PDS5B: variants seen among roughly 807,000 people sequenced by gnomAD.
PDS5B encodes the protein sister chromatid cohesion protein PDS5 homolog B.
PDS5B carries 51 observed loss-of-function variants against 184.1 expected under a neutral mutation model. The ratio of observed to expected loss-of-function variants is 0.28; its 90% CI spans 0.22 to 0.35. The LOEUF is 0.35. PDS5B is among the 10% of genes least tolerant of loss of function. The pLI is 1.00. For missense variants in PDS5B, 1,180 were observed against 1,723.3 expected (o/e 0.68, Z 5.58); for synonymous variants, 566 against 569.2 (o/e 0.99, Z 0.08).
rs1177251327 is a variant in PDS5B at position 32,655,359 on chromosome 13, CATATAT to C, written c.313-2869_313-2864del. On this transcript the variant is annotated intron_variant, in intron 3 of 34. Transcript: ENST00000315596. The stretch of plus-strand genomic sequence containing the variant: ...AAAAGTATCTCTTCATGTTCTTTGC[CATATAT>C]ATATATATATTTTTTTTTTTTTTTT... Among the ~76,000 whole-genome samples the C allele has an allele frequency of 6.3e-4, 25 of 39,604 alleles. 2 individuals carry two copies. The highest frequency in any genetic ancestry group is 3.3e-3 in the African/African-American group (22 of 6,616). The allele number at this position is 39,604 out of a possible 152,430, so 26.0% of individuals were successfully genotyped here. A position where few individuals can be genotyped will look rare whatever the true frequency, so the allele number is the denominator to read the frequency against.
intron 1 of PDS5B, among the ~76,000 whole-genome samples, chr13:32,604,203 G>A (rs546028889): frequency 1.2e-4 from 18 of 152,288 alleles, no homozygotes; most frequent in Non-Finnish European, 2.2e-4. Context: ...TATGATATTG[G>A]CTGTGGGTTT....
chr13:32,705,711 A>G (rs2140882613), intron 17 of PDS5B, among the ~76,000 whole-genome samples: 1 of 152,220 alleles, frequency 6.6e-6, no homozygotes, highest in Middle Eastern at 3.4e-3. Flanking sequence ...ATAGGGTCTC[A>G]CTCTGCCACC....
intron 18 of PDS5B, among the ~76,000 whole-genome samples, chr13:32,709,306 T>C (rs1342949920): frequency 6.6e-6 from 1 of 152,046 alleles, no homozygotes; most frequent in Non-Finnish European, 1.5e-5. Flanking sequence ...TTTGAAAGTG[T>C]GTTGTGGGGG....
At chr13:32,624,030 C>T (rs2058338358) in intron 1 of PDS5B, among the ~76,000 whole-genome samples, 1 of 150,752 alleles carries the variant, frequency 6.6e-6, no homozygotes, top group Admixed American at 6.6e-5. Flanking sequence ...CAAGCTATTC[C>T]TTTTTTTTAA....
chr13:32,622,108 C>CT (rs1320067371), intron 1 of PDS5B, among the ~76,000 whole-genome samples: 2 of 151,834 alleles, frequency 1.3e-5, no homozygotes, highest in Non-Finnish European at 1.5e-5. Flanking sequence ...AATTTCCACT[C>CT]TTTTTTATCT....
intron 23 of PDS5B, among the ~76,000 whole-genome samples, chr13:32,744,567 C>T (rs999146257): frequency 2.6e-5 from 4 of 152,050 alleles, no homozygotes; most frequent in African/African-American, 9.7e-5. Context: ...AAAAAGTTTA[C>T]GAGGTTAAAT....
intron 1 of PDS5B, among the ~76,000 whole-genome samples, chr13:32,591,250 T>A (rs2057771273): frequency 6.6e-6 from 1 of 152,082 alleles, no homozygotes; most frequent in Non-Finnish European, 1.5e-5. Flanking sequence ...TTCCTCAGCC[T>A]CCTGAGTAAC....
At chr13:32,605,525 G>A (rs894648521) in intron 1 of PDS5B, among the ~76,000 whole-genome samples, 1 of 152,328 alleles carries the variant, frequency 6.6e-6, no homozygotes, top group African/African-American at 2.4e-5. Context: ...GTGCGATGTG[G>A]TGCTGAGAAG....
At chr13:32,617,739 A>G (rs372068881) in intron 1 of PDS5B, among the ~76,000 whole-genome samples, 2 of 152,308 alleles carry the variant, frequency 1.3e-5, no homozygotes, top group East Asian at 1.9e-4. Flanking sequence ...TCTTATTACA[A>G]ATGAGAGGGG....
rs371053325 is a variant in PDS5B at position 32,694,265 on chromosome 13, T to C, written c.1512T>C (p.His504=). 137 of 1,602,488 alleles carry C rather than the reference T, an allele frequency of 8.5e-5. No homozygotes were observed. Among genetic ancestry groups the C allele is most frequent in the Non-Finnish European group, 1.0e-4 (123 of 1,175,800 alleles). ...GGAAATGTCAAAATCTGCTCCGACATCAAGTAAAGGATTTGCTTGACTTGA... is the reference window on the plus strand; with the variant it reads ...GGAAATGTCAAAATCTGCTCCGACACCAAGTAAAGGATTTGCTTGACTTGA... ...EMWKCQNLLR[H]QVKDLLDLIK... The change falls in exon 14 of 35, where the codon CAT becomes CAC. Residue 504 remains histidine, a synonymous_variant. Coordinates refer to ENST00000315596, the MANE Select transcript of PDS5B (RefSeq NM_015032.4).
At chr13:32,603,988 G>A (rs1170305481) in intron 1 of PDS5B, among the ~76,000 whole-genome samples, 1 of 152,098 alleles carries the variant, frequency 6.6e-6, no homozygotes, top group Non-Finnish European at 1.5e-5. Context: ...GAGACGATGG[G>A]GTTTTCTAAA....
intron 30 of PDS5B, chr13:32,763,636 G>GGTGTAT (rs1954486597): frequency 6.6e-6 from 1 of 152,066 alleles, no homozygotes; most frequent in Non-Finnish European, 1.5e-5. Context: ...ACGATTTAAG[G>GGTGTAT]GTGTATCCTG....
At chr13:32,705,221 C>A (rs374929913) in intron 17 of PDS5B, among the ~76,000 whole-genome samples, 4 of 152,244 alleles carry the variant, frequency 2.6e-5, no homozygotes, top group African/African-American at 9.6e-5. Context: ...GCTTCATACT[C>A]TCAGTCGTGG....
intron 31 of PDS5B, among the ~76,000 whole-genome samples, chr13:32,769,402 TA>T (rs1294779192): frequency 6.6e-6 from 1 of 152,174 alleles, no homozygotes; most frequent in Non-Finnish European, 1.5e-5. Context: ...CTTTGTATTA[TA>T]AGTGTTCATA....
At chr13:32,773,453 A>G in intron 34 of PDS5B, 129 bp downstream of exon 34, 1 of 794,940 alleles carries the variant, frequency 1.3e-6, no homozygotes, top group Admixed American at 3.1e-5. Flanking sequence ...CATTTTATCT[A>G]CCAGGTTGGA....
chr13:32,689,919 T>C (rs911566273), intron 13 of PDS5B: 2 of 152,158 alleles, frequency 1.3e-5, no homozygotes, highest in African/African-American at 4.8e-5. Flanking sequence ...ATAGTAAATC[T>C]AGACTTCTCT....
At chr13:32,666,830 C>T (rs1046890748) in intron 6 of PDS5B, among the ~76,000 whole-genome samples, 2 of 152,022 alleles carry the variant, frequency 1.3e-5, no homozygotes, top group Admixed American at 1.3e-4. Context: ...AAGTTTAGTC[C>T]ATAGAATCTA....
chr13:32,768,798 A>G (rs1566430015), intron 31 of PDS5B, among the ~76,000 whole-genome samples: 1 of 49,802 alleles, frequency 2.0e-5, no homozygotes, highest in South Asian at 4.3e-4. Context: ...GTCTCAAAAA[A>G]AAAAAAAAGA....
intron 1 of PDS5B, among the ~76,000 whole-genome samples, chr13:32,590,123 CATT>C (rs774752995): frequency 8.5e-5 from 13 of 152,216 alleles, no homozygotes; most frequent in African/African-American, 1.4e-4. Context: ...AATAATTAGA[CATT>C]AATAATAAGT....
Sources: gnomAD v4.1 joint callset for allele counts (sites outside exome capture counted in the v4.1 genomes callset) on GRCh38, gnomAD v4.1.1 for gene constraint, MANE v1.5 for transcripts, NCBI Gene and HGNC (gene_info 2026-07-23, HGNC 2026-07-21) for gene names.